The following BMPR2 variants were observed in gnomAD, a reference collection of about 807,000 sequenced individuals.
The protein encoded by BMPR2 is bone morphogenetic protein receptor type-2.
In BMPR2, 29 loss-of-function variants were observed where a neutral mutation model predicts 100.8. The ratio of observed to expected loss-of-function variants is 0.29; its 90% confidence interval spans 0.21 to 0.39. The LOEUF is 0.39. Among genes scored for constraint, BMPR2 ranks in the 10% least tolerant of loss-of-function variants. The probability of loss-of-function intolerance (pLI) is 1.00; values close to 1 mark genes in which losing one functional copy is unlikely to be tolerated. For synonymous variants in BMPR2, 382 were observed against 442.3 expected, an observed-to-expected ratio of 0.86 and a Z score of 1.71; for missense variants, 1,011 against 1,274.5, an observed-to-expected ratio of 0.79 and a Z score of 3.15.
At chr2:202,466,317 C>G (rs1024236653) in intron 2 of BMPR2, among the ~76,000 whole-genome samples, 1 of 152,020 alleles carries the variant, frequency 6.6e-6, no homozygotes, top group Non-Finnish European at 1.5e-5. Flanking sequence ...GATGGAGTCT[C>G]GCTCTGTTAC....
chr2:202,424,092 G>T (rs1173375268), intron 1 of BMPR2, among the ~76,000 whole-genome samples: 2 of 103,660 alleles, frequency 1.9e-5, no homozygotes, highest in Admixed American at 1.0e-4. Flanking sequence ...AAAAAAAAAA[G>T]GCCAGGCACA....
chr2:202,493,725 A>G (rs1692960126), intron 3 of BMPR2, among the ~76,000 whole-genome samples: 1 of 152,152 alleles, frequency 6.6e-6, no homozygotes, highest in Admixed American at 6.5e-5. Flanking sequence ...GGGGCACTGA[A>G]TGTTTTTCCC....
At chr2:202,519,624 C>T (rs977153841) in intron 6 of BMPR2, among the ~76,000 whole-genome samples, 10 of 152,164 alleles carry the variant, frequency 6.6e-5, no homozygotes, top group African/African-American at 2.2e-4. Flanking sequence ...CTTTGATTGA[C>T]ATTCATTCTG....
intron 1 of BMPR2, among the ~76,000 whole-genome samples, chr2:202,439,084 A>C (rs957269760): frequency 6.7e-6 from 1 of 150,370 alleles, no homozygotes; most frequent in African/African-American, 2.5e-5. Flanking sequence ...ATTAAGTCTT[A>C]TAATCAGTGA....
At chr2:202,529,442 T>C (rs1039481061) in intron 7 of BMPR2, among the ~76,000 whole-genome samples, 5 of 152,208 alleles carry the variant, frequency 3.3e-5, no homozygotes, top group Non-Finnish European at 7.4e-5. Flanking sequence ...GCCCATTGAT[T>C]TGGTATTATT....
At position 202,514,878 on chromosome 2, in the gene BMPR2, G is replaced by A. The variant is rs1233558950; in HGVS notation, c.530-10G>A. On this transcript the variant is annotated splice_polypyrimidine_tract_variant and intron_variant, in intron 4 of 12. Transcript: ENST00000374580. ...ACCATATATTAGTAACCTGTTTCCT[G>A]TTCTTATAGGAGACCGTAAACAAGG... 1.2e-6 allele frequency: 2 copies of A among 1,610,140 alleles called. No homozygotes were observed. The highest frequency in any genetic ancestry group is 1.3e-5 in the African/African-American group (1 of 74,816).
intron 7 of BMPR2, among the ~76,000 whole-genome samples, chr2:202,530,452 A>G (rs552936208): frequency 5.3e-5 from 8 of 151,474 alleles, no homozygotes; most frequent in African/African-American, 1.9e-4. Context: ...AGACAAGCAG[A>G]CTTTTTTTTT....
At chr2:202,437,327 T>C (rs762473421) in intron 1 of BMPR2, among the ~76,000 whole-genome samples, 3 of 150,764 alleles carry the variant, frequency 2.0e-5, no homozygotes, top group Non-Finnish European at 4.4e-5. Context: ...TTTACCTCTT[T>C]AGGAATTTCA....
chr2:202,377,429 C>A lies in BMPR2; in HGVS notation c.-46C>A, dbSNP rs1048629816. The stretch of plus-strand genomic sequence containing the variant: ...CGGCTGTTTCTCCGCCGGTCTACTT[C>A]CCATATTTCTTTTCTTTGCCCTCCT... On this transcript the variant is annotated 5_prime_UTR_variant, in exon 1 of 13. Transcript: ENST00000374580. 6.3e-7 allele frequency: 1 copy of A among 1,588,546 alleles called. No homozygotes were observed. The highest frequency in any genetic ancestry group is 2.2e-5 in the East Asian group (1 of 44,758).
At chr2:202,469,061 G>A (rs144485731) in intron 3 of BMPR2, among the ~76,000 whole-genome samples, 29 of 151,798 alleles carry the variant, frequency 1.9e-4, no homozygotes, top group East Asian at 1.4e-3. Flanking sequence ...ATGGAGTTTC[G>A]CTCTTGTTGC....
chr2:202,544,616 CTT>C (rs1688339696), intron 10 of BMPR2, among the ~76,000 whole-genome samples: 2 of 152,038 alleles, frequency 1.3e-5, no homozygotes, highest in African/African-American at 4.8e-5. Flanking sequence ...GCTTTTAAGA[CTT>C]TATCACTAGA....
At chr2:202,433,812 C>G (rs1559037009) in intron 1 of BMPR2, among the ~76,000 whole-genome samples, 1 of 150,120 alleles carries the variant, frequency 6.7e-6, no homozygotes, top group African/African-American at 2.5e-5. Context: ...GGAGGCTGAG[C>G]CAGGAGAATT....
At chr2:202,487,788 G>C (rs1192430268) in intron 3 of BMPR2, among the ~76,000 whole-genome samples, 1 of 152,192 alleles carries the variant, frequency 6.6e-6, no homozygotes, top group Non-Finnish European at 1.5e-5. Flanking sequence ...GCATTAATCA[G>C]TATCAGTTTG....
At position 202,495,351 on chromosome 2, in the gene BMPR2, C is replaced by A. The variant is rs115187557; in HGVS notation, c.419-18368C>A. ...CCGCTTGGTGGCCAGGGCTCTCCTC[C>A]GTCTGCCCCAGCCAAACTCCGCGTC... On this transcript the variant is annotated intron_variant, in intron 3 of 12. Coordinates refer to ENST00000374580, the MANE Select transcript of BMPR2 (RefSeq NM_001204.7). This position sits in a 1 kb window ranked among gnomAD's most constrained non-coding sequence, Gnocchi z 4.5. Among the ~76,000 whole-genome samples, 1 of 152,148 alleles carries A rather than the reference C, an allele frequency of 6.6e-6. No individual in the cohort carries two copies. Among genetic ancestry groups the A allele is most frequent in the Admixed American group, 6.5e-5 (1 of 15,270 alleles).
intron 3 of BMPR2, chr2:202,474,818 C>A (rs529596478): frequency 6.6e-6 from 1 of 151,940 alleles, no homozygotes; most frequent in South Asian, 2.1e-4. Context: ...ACCGCGCCTG[C>A]TGGAAAGGTC....
intron 3 of BMPR2, among the ~76,000 whole-genome samples, chr2:202,500,955 G>A (rs1249331105): frequency 1.3e-5 from 2 of 152,260 alleles, no homozygotes; most frequent in Middle Eastern, 3.4e-3. Context: ...TTTAGGGATA[G>A]CCTTCATCTG....
At chr2:202,387,820 A>G (rs1018493541) in intron 1 of BMPR2, among the ~76,000 whole-genome samples, 1 of 152,120 alleles carries the variant, frequency 6.6e-6, no homozygotes, top group African/African-American at 2.4e-5. Context: ...GGGCCAGTCT[A>G]GTGTGAAGAA....
intron 3 of BMPR2, among the ~76,000 whole-genome samples, chr2:202,497,743 CTT>C (rs1217779051): frequency 6.6e-6 from 1 of 152,212 alleles, no homozygotes; most frequent in Non-Finnish European, 1.5e-5. Context: ...CCTCTCACCT[CTT>C]TTCTCTGAGG....
chr2:202,412,391 T>C (rs1346378214), intron 1 of BMPR2, among the ~76,000 whole-genome samples: 1 of 152,196 alleles, frequency 6.6e-6, no homozygotes, highest in Non-Finnish European at 1.5e-5. Flanking sequence ...CAATCTCGGC[T>C]CACTGCAAGC....
Sources: gnomAD v4.1 joint callset for allele counts (sites outside exome capture counted in the v4.1 genomes callset) on GRCh38, gnomAD v4.1.1 for gene constraint, Gnocchi (gnomAD v3.1) non-coding constraint, MANE v1.5 for transcripts, NCBI Gene and HGNC (gene_info 2026-07-23, HGNC 2026-07-21) for gene names.